The following ZMAT5 variants were observed in gnomAD, a reference collection of about 807,000 sequenced individuals.
ZMAT5 encodes zinc finger matrin-type 5.
Under a neutral mutation model 28.0 loss-of-function variants are expected in ZMAT5, and 23 were observed. The observed-to-expected ratio is 0.82, with a 90% CI of 0.59 to 1.16. The LOEUF is 1.16. ZMAT5 is among the 50% of genes most tolerant of loss of function. The pLI is 0.00. For missense variants in ZMAT5, 173 were observed against 212.7 expected, an observed-to-expected ratio of 0.81 and a Z score of 1.16; for synonymous variants, 76 against 84.1, an observed-to-expected ratio of 0.90 and a Z score of 0.52.
intron 1 of ZMAT5, among the ~76,000 whole-genome samples, chr22:29,762,896 C>T (rs747403930): frequency 2.0e-4 from 31 of 152,186 alleles, no homozygotes; most frequent in East Asian, 5.8e-4. Flanking sequence ...TGATTACCTC[C>T]GAATGAGAAT....
In ZMAT5 at chr22:29,731,312, G is replaced by T. The variant is rs148197321; in HGVS notation, c.426C>A (p.Gly142=). The change falls in exon 6 of 6, where the codon GGC becomes GGA. Residue 142 remains glycine (G), a synonymous_variant. Transcript: ENST00000344318. ...GAGGCAGCTCCTGAACTGGTGGCCA[G>T]CCCACGGGGTACTGGAAGACAGTGG... The part of the protein sequence containing the change: ...IRTTVFQYPV[G]WPPVQELPPS... The T allele has an allele frequency of 8.5e-6, 13 of 1,530,646 alleles. No homozygotes were observed. In the African/African-American group the frequency reaches 1.4e-4, roughly 17 times the overall value. The allele number at this position is 1,530,646 out of a possible 1,614,324, so 94.8% of individuals were successfully genotyped here. A position where few individuals can be genotyped will look rare whatever the true frequency, so the allele number is the denominator to read the frequency against.
intron 5 of ZMAT5, among the ~76,000 whole-genome samples, chr22:29,733,849 T>C (rs2067877976): frequency 6.6e-6 from 1 of 152,174 alleles, no homozygotes; most frequent in African/African-American, 2.4e-5. Flanking sequence ...TAGACAGGCA[T>C]ACCCAGTGCC....
At chr22:29,759,185 C>G (rs2068132053) in intron 1 of ZMAT5, among the ~76,000 whole-genome samples, 1 of 152,094 alleles carries the variant, frequency 6.6e-6, no homozygotes, top group African/African-American at 2.4e-5. Flanking sequence ...GCCAGAGTTT[C>G]CAAATAGGAA....
chr22:29,740,028 C>T (rs1283038005), intron 4 of ZMAT5, among the ~76,000 whole-genome samples: 1 of 152,236 alleles, frequency 6.6e-6, no homozygotes. Context: ...TGCTGGGGGG[C>T]TCACGCGAGG....
intron 1 of ZMAT5, among the ~76,000 whole-genome samples, chr22:29,759,322 T>C (rs998167755): frequency 1.3e-5 from 2 of 152,176 alleles, no homozygotes; most frequent in Non-Finnish European, 2.9e-5. Context: ...CCACTGTCAC[T>C]ACTGCCCAAG....
At chr22:29,765,751 C>G (rs1031331553) in intron 1 of ZMAT5, among the ~76,000 whole-genome samples, 8 of 152,078 alleles carry the variant, frequency 5.3e-5, no homozygotes, top group African/African-American at 1.9e-4. Context: ...GCCTGTAATC[C>G]CAGCCACTCG....
At chr22:29,765,546 C>T (rs1474953980) in intron 1 of ZMAT5, among the ~76,000 whole-genome samples, 1 of 152,138 alleles carries the variant, frequency 6.6e-6, no homozygotes, top group Non-Finnish European at 1.5e-5. Flanking sequence ...CAAATCTGAT[C>T]ACTGCCCTGC....
intron 4 of ZMAT5, among the ~76,000 whole-genome samples, chr22:29,739,177 T>G (rs562782785): frequency 2.8e-4 from 42 of 152,310 alleles, no homozygotes; most frequent in Non-Finnish European, 5.6e-4. Flanking sequence ...GTTTTTATTC[T>G]CATAAGCTGT....
chr22:29,736,345 G>A (rs778792294), intron 5 of ZMAT5, among the ~76,000 whole-genome samples: 1 of 152,312 alleles, frequency 6.6e-6, no homozygotes, highest in South Asian at 2.1e-4. Flanking sequence ...AGTCATGTCT[G>A]TACCACATAT....
chr22:29,765,979 TTG>T (rs2068207280), intron 1 of ZMAT5, among the ~76,000 whole-genome samples: 1 of 152,158 alleles, frequency 6.6e-6, no homozygotes, highest in Non-Finnish European at 1.5e-5. Flanking sequence ...ACATTAAATC[TTG>T]TCGCATTTCT....
intron 3 of ZMAT5, 106 bp downstream of exon 3, chr22:29,742,312 T>G (rs752047481): frequency 8.6e-7 from 1 of 1,163,088 alleles, no homozygotes; most frequent in Admixed American, 1.8e-5. Context: ...CAAAGTGGGC[T>G]TGGGATGGTG....
intron 1 of ZMAT5, among the ~76,000 whole-genome samples, chr22:29,752,266 C>T (rs763584715): frequency 7.2e-5 from 11 of 152,182 alleles, no homozygotes; most frequent in Non-Finnish European, 1.5e-5. Flanking sequence ...GGACCACACG[C>T]TCCTCGGCCT....
At chr22:29,739,759 C>T (rs2067944084) in intron 4 of ZMAT5, among the ~76,000 whole-genome samples, 1 of 152,266 alleles carries the variant, frequency 6.6e-6, no homozygotes, top group African/African-American at 2.4e-5. Context: ...TGGCCAGTCC[C>T]ACAAGGCCTT....
intron 5 of ZMAT5, 117 bp downstream of exon 5, chr22:29,738,213 T>G: frequency 4.1e-6 from 4 of 986,106 alleles, no homozygotes; most frequent in Non-Finnish European, 6.0e-6. Flanking sequence ...GTAGGCAACT[T>G]TATTCGGCCC....
At chr22:29,765,181 G>C (rs916943250) in intron 1 of ZMAT5, among the ~76,000 whole-genome samples, 5 of 152,108 alleles carry the variant, frequency 3.3e-5, no homozygotes, top group African/African-American at 1.2e-4. Context: ...CACTTTGGGA[G>C]ACCGTGGCAG....
intron 5 of ZMAT5, among the ~76,000 whole-genome samples, chr22:29,737,617 T>C (rs2067918205): frequency 6.6e-6 from 1 of 152,118 alleles, no homozygotes; most frequent in Non-Finnish European, 1.5e-5. Context: ...TTTATCCCCT[T>C]TTCCTCCCCT....
chr22:29,761,620 G>A (rs1443426687), intron 1 of ZMAT5, among the ~76,000 whole-genome samples: 2 of 152,062 alleles, frequency 1.3e-5, no homozygotes, highest in African/African-American at 4.8e-5. Flanking sequence ...AACTGTGCAT[G>A]CGAGGGATCT....
At position 29,740,712 on chromosome 22, in the gene ZMAT5, G is replaced by C. The variant is rs145672061; in HGVS notation, c.209C>G (p.Ser70Cys). ...TGACATGTGGGAAAATCTGCAGTTG[G>C]AGCCAAAGTCGCACTGGCCTGCAGC... is the stretch of plus-strand genomic sequence containing the variant. ...FLLTGQCDFG[S>C]NCRFSHMSER... Residue 70 changes from serine to cysteine, a missense_variant, in exon 4 of 6, where the codon TCC becomes TGC. Ser to Cys is a moderately radical substitution (Grantham distance 112). Transcript: ENST00000344318. The C allele has an allele frequency of 6.4e-4, 1,032 of 1,600,698 alleles. 5 individuals carry two copies. The African/African-American group carries it at 0.011, about 17-fold the overall frequency.
intron 5 of ZMAT5, among the ~76,000 whole-genome samples, chr22:29,734,197 C>T (rs138755955): frequency 6.6e-6 from 1 of 152,204 alleles, no homozygotes; most frequent in Admixed American, 6.5e-5. Context: ...TGTCTGAGGC[C>T]GCCGCTGCTC....
Sources: gnomAD v4.1 joint callset for allele counts (sites outside exome capture counted in the v4.1 genomes callset) on GRCh38, gnomAD v4.1.1 for gene constraint, MANE v1.5 for transcripts, NCBI Gene and HGNC (gene_info 2026-07-23, HGNC 2026-07-21) for gene names.